Variants in PTPRN2 observed in about 807,000 individuals in gnomAD.
PTPRN2 encodes the protein protein tyrosine phosphatase receptor type N2.
Under a neutral mutation model 118.8 loss-of-function variants are expected in PTPRN2, and 74 were observed. The ratio of observed to expected loss-of-function variants is 0.62; its 90% CI spans 0.52 to 0.76. The LOEUF (loss-of-function observed/expected upper bound fraction) is 0.76, where lower values mean the gene tolerates loss of function less well. Ranked by LOEUF, PTPRN2 falls within the 30% of genes least tolerant of loss-of-function variation. PTPRN2 has a pLI of 0.00. For synonymous variants in PTPRN2, 641 were observed against 608.0 expected, an observed-to-expected ratio of 1.05 and a Z score of -0.80; for missense variants, 1,481 against 1,394.4, an observed-to-expected ratio of 1.06 and a Z score of -0.99.
chr7:157,931,257 GC>G (rs150017752), intron 11 of PTPRN2, among the ~76,000 whole-genome samples: 4,301 of 152,334 alleles, frequency 0.028, 168 homozygotes, highest in African/African-American at 0.09. Context: ...AAGCACATTT[GC>G]TGCCTAGGCC....
chr7:158,503,096 TC>T, intron 1 of PTPRN2, among the ~76,000 whole-genome samples: 1 of 151,922 alleles, frequency 6.6e-6, no homozygotes, highest in East Asian at 1.9e-4. Context: ...ACTGTGTCCA[TC>T]AACTACTGTG....
chr7:158,542,151 GT>G (rs549130512), intron 1 of PTPRN2, among the ~76,000 whole-genome samples: 54 of 152,220 alleles, frequency 3.5e-4, no homozygotes, highest in African/African-American at 1.2e-3. Context: ...TGTTGTTGTT[GT>G]TTTGTGTTTT....
intron 3 of PTPRN2, among the ~76,000 whole-genome samples, chr7:158,220,809 T>G (rs1828300979): frequency 6.6e-6 from 1 of 151,502 alleles, no homozygotes; most frequent in Non-Finnish European, 1.5e-5. Context: ...CTCAATGCTA[T>G]TCCTATCAAA....
chr7:158,394,921 A>G (rs1274735827), intron 2 of PTPRN2, among the ~76,000 whole-genome samples: 1 of 152,218 alleles, frequency 6.6e-6, no homozygotes, highest in African/African-American at 2.4e-5. Flanking sequence ...TGCAGGCCGC[A>G]TCTCTGCAAC....
At chr7:157,688,493 T>G (rs1463703938) in intron 12 of PTPRN2, among the ~76,000 whole-genome samples, 3 of 152,184 alleles carry the variant, frequency 2.0e-5, no homozygotes, top group African/African-American at 7.2e-5. Flanking sequence ...GGCGTTTTCA[T>G]GACACCCAAA....
chr7:157,622,515 G>C lies in PTPRN2; in HGVS notation c.2197-1006C>G, dbSNP rs768936759. Among the ~76,000 whole-genome samples the C allele has an allele frequency of 2.0e-5, 3 of 152,142 alleles. No individual in the cohort carries two copies. Among genetic ancestry groups the C allele is most frequent in the Non-Finnish European group, 4.4e-5 (3 of 68,030 alleles). The stretch of plus-strand genomic sequence containing the variant: ...CCGTTCCAGGAGACAGGTAGAGAAA[G>C]AGACACAGAGGGAGGGAGGGCTGGA... On this transcript the variant is annotated intron_variant, in intron 14 of 22. Transcript: ENST00000389418. The surrounding 1 kb of genome is among the most constrained non-coding windows in gnomAD (Gnocchi z 5.3).
intron 1 of PTPRN2, among the ~76,000 whole-genome samples, chr7:158,540,551 T>C (rs1336598454): frequency 1.3e-5 from 2 of 152,028 alleles, no homozygotes; most frequent in Non-Finnish European, 2.9e-5. Context: ...GGGGTTTCTT[T>C]GGAGGTGGCT....
At chr7:157,672,079 G>T (rs1415597291) in intron 13 of PTPRN2, among the ~76,000 whole-genome samples, 1 of 152,116 alleles carries the variant, frequency 6.6e-6, no homozygotes, top group African/African-American at 2.4e-5. Flanking sequence ...GCTGACTGGG[G>T]TACAGGGGCC....
In PTPRN2 at chr7:158,133,769, T is replaced by A. The variant is rs766433277; in HGVS notation, c.1464A>T (p.Pro488=). ...PGPSKEEQSL[P]AGAQEALSDG... is the part of the protein sequence containing the mutation. ...CGCTGAGGGCCTCCTGAGCACCCGC[T>A]GGAAGGCTCTGCTCCTCCTTCGAGG... The change falls in exon 9 of 23, where the codon CCA becomes CCT. Residue 488 remains proline (P), a synonymous_variant. Coordinates refer to ENST00000389418, the MANE Select transcript of PTPRN2 (RefSeq NM_002847.5). 1 of 1,613,918 alleles carries A rather than the reference T, an allele frequency of 6.2e-7. No homozygotes were observed. The highest frequency in any genetic ancestry group is 8.5e-7 in the Non-Finnish European group (1 of 1,179,958).
chr7:158,296,275 G>A (rs1800492009), intron 3 of PTPRN2, among the ~76,000 whole-genome samples: 1 of 152,172 alleles, frequency 6.6e-6, no homozygotes, highest in Admixed American at 6.5e-5. Context: ...CACACCGGCA[G>A]AAGAACTCAC....
intron 11 of PTPRN2, among the ~76,000 whole-genome samples, chr7:158,004,698 T>G (rs959332166): frequency 6.6e-6 from 1 of 152,228 alleles, no homozygotes; most frequent in Non-Finnish European, 1.5e-5. Flanking sequence ...AAAAAATTCA[T>G]GACAGTATTT....
At chr7:157,731,095 T>G (rs1799872747) in intron 12 of PTPRN2, among the ~76,000 whole-genome samples, 1 of 152,104 alleles carries the variant, frequency 6.6e-6, no homozygotes, top group Non-Finnish European at 1.5e-5. Flanking sequence ...CCAGCAGCCT[T>G]AGGACAGCAG....
chr7:157,746,157 A>C (rs1026591251), intron 12 of PTPRN2, among the ~76,000 whole-genome samples: 1 of 133,640 alleles, frequency 7.5e-6, no homozygotes, highest in African/African-American at 3.1e-5. Context: ...CACAGTCCTC[A>C]TGGGACCCTG....
intron 11 of PTPRN2, among the ~76,000 whole-genome samples, chr7:158,040,779 C>A (rs1808409976): frequency 7.3e-6 from 1 of 137,058 alleles, no homozygotes; most frequent in South Asian, 2.2e-4. Flanking sequence ...ATTGCTCGGG[C>A]TGAAGTGCAA....
At chr7:158,191,018 C>T (rs759947794) in intron 5 of PTPRN2, among the ~76,000 whole-genome samples, 41 of 152,376 alleles carry the variant, frequency 2.7e-4, no homozygotes, top group South Asian at 1.4e-3. Flanking sequence ...AACGTGCCAC[C>T]TTGTGGGGCC....
intron 1 of PTPRN2, among the ~76,000 whole-genome samples, chr7:158,537,042 G>A (rs1399725201): frequency 6.6e-6 from 1 of 152,152 alleles, no homozygotes; most frequent in Non-Finnish European, 1.5e-5. Context: ...TGCCCTTATA[G>A]GAAGAGACTC....
intron 16 of PTPRN2, among the ~76,000 whole-genome samples, chr7:157,601,052 T>G (rs1801640891): frequency 6.6e-6 from 1 of 152,262 alleles, no homozygotes; most frequent in Non-Finnish European, 1.5e-5. Flanking sequence ...GCTTGTGTGC[T>G]GTGTTTGAGT....
intron 22 of PTPRN2, among the ~76,000 whole-genome samples, chr7:157,546,001 C>T (rs575239672): frequency 1.1e-4 from 17 of 152,306 alleles, no homozygotes; most frequent in Admixed American, 9.1e-4. Flanking sequence ...TGTTGGGCAG[C>T]GCAGTCACGG....
intron 12 of PTPRN2, among the ~76,000 whole-genome samples, chr7:157,693,061 G>A (rs1186480112): frequency 2.0e-5 from 3 of 151,984 alleles, no homozygotes; most frequent in Non-Finnish European, 4.4e-5. Context: ...GAGGAGGGGA[G>A]GGGAGGTGGC....
Sources: allele counts gnomAD v4.1 joint callset (sites outside exome capture counted in the v4.1 genomes callset), GRCh38; gene constraint gnomAD v4.1.1; non-coding constraint Gnocchi (gnomAD v3.1); transcripts MANE v1.5; gene names NCBI Gene and HGNC (gene_info 2026-07-23, HGNC 2026-07-21).